Variants in MAPK6 observed in about 807,000 individuals in gnomAD.
MAPK6 encodes the protein ERK-3.
A neutral mutation model predicts 59.3 loss-of-function variants in MAPK6; 19 were observed. That is an observed-to-expected ratio of 0.32 (90% CI 0.22 to 0.47). The LOEUF is 0.47. Among genes scored for constraint, MAPK6 ranks in the 20% least tolerant of loss-of-function variants. The pLI is 1.00. For synonymous variants in MAPK6, 316 were observed against 290.3 expected, an observed-to-expected ratio of 1.09 and a Z score of -0.90; for missense variants, 724 against 847.9, an observed-to-expected ratio of 0.85 and a Z score of 1.81.
At chr15:52,048,086 C>T (rs890793147) in intron 2 of MAPK6, among the ~76,000 whole-genome samples, 8 of 152,136 alleles carry the variant, frequency 5.3e-5, no homozygotes, top group Admixed American at 6.6e-5. Context: ...TGTTAGCTTT[C>T]CACAGTACAT....
intron 2 of MAPK6, among the ~76,000 whole-genome samples, chr15:51,998,037 G>A (rs2057230662): frequency 1.3e-5 from 2 of 151,534 alleles, no homozygotes; most frequent in Admixed American, 6.6e-5. Flanking sequence ...TCTACCTCCC[G>A]TGTTCAAGCA....
intron 2 of MAPK6, among the ~76,000 whole-genome samples, chr15:51,995,186 G>A (rs1476316523): frequency 6.6e-6 from 1 of 152,198 alleles, no homozygotes; most frequent in Non-Finnish European, 1.5e-5. Flanking sequence ...TAAACTGTAT[G>A]TAAGGAAGGC....
chr15:52,063,214 G>A (rs1052168833), intron 5 of MAPK6, among the ~76,000 whole-genome samples: 2 of 152,144 alleles, frequency 1.3e-5, no homozygotes, highest in Admixed American at 6.5e-5. Flanking sequence ...ATAGGCACCC[G>A]CCACCATGTT....
At chr15:52,043,836 G>A (rs566837296) in intron 1 of MAPK6, among the ~76,000 whole-genome samples, 5 of 122,996 alleles carry the variant, frequency 4.1e-5, no homozygotes, top group East Asian at 2.7e-4. Context: ...TCGGCTCACT[G>A]CAACCTCTAC....
rs80082236 is a variant in MAPK6 at position 52,050,988 on chromosome 15, T to C, written c.700+851T>C. Among the ~76,000 whole-genome samples the C allele has an allele frequency of 8.2e-3, 1,248 of 152,338 alleles. 4 individuals carry two copies. The highest frequency in any genetic ancestry group is 0.014 in the Non-Finnish European group (920 of 68,030). Reference sequence around the variant, plus strand: ...AATAGTAGGGGTACTGAAGATTTTTTAGTTGGGGAAGTGGTGTGATAGTGA... The same window carrying C: ...AATAGTAGGGGTACTGAAGATTTTTCAGTTGGGGAAGTGGTGTGATAGTGA... On this transcript the variant is annotated intron_variant, in intron 3 of 5. Coordinates refer to ENST00000261845, the MANE Select transcript of MAPK6 (RefSeq NM_002748.4).
chr15:52,009,860 C>G (rs529411407), intron 3 of MAPK6, among the ~76,000 whole-genome samples: 1 of 152,118 alleles, frequency 6.6e-6, no homozygotes, highest in South Asian at 2.1e-4. Context: ...GCAACCACTG[C>G]CTCCTGGGTT....
At chr15:52,055,014 A>G (rs2031920158) in intron 3 of MAPK6, among the ~76,000 whole-genome samples, 1 of 152,212 alleles carries the variant, frequency 6.6e-6, no homozygotes, top group South Asian at 2.1e-4. Context: ...TCCTGACCTC[A>G]GGTGATCTGT....
chr15:52,019,704 C>T (rs543482454), intron 1 of MAPK6, among the ~76,000 whole-genome samples: 2 of 150,070 alleles, frequency 1.3e-5, no homozygotes, highest in African/African-American at 4.8e-5. Context: ...GGTCGCCCTG[C>T]CAGGCCGCGC....
Position 52,065,380 on chromosome 15 carries a change from T to A in MAPK6, c.*380T>A, listed in dbSNP as rs768193869. Reference sequence around the variant, plus strand: ...ATAGCTATTTTTTTCCTAAGACATTTTTCATTCATGAATATTTTCAAGTTT... The same window carrying A: ...ATAGCTATTTTTTTCCTAAGACATTATTCATTCATGAATATTTTCAAGTTT... On this transcript the variant is annotated 3_prime_UTR_variant, in exon 6 of 6. Transcript: ENST00000261845. 2.2e-4 allele frequency: 35 copies of A among 158,872 alleles called. No individual in the cohort carries two copies. The highest frequency in any genetic ancestry group is 4.3e-4 in the Non-Finnish European group (31 of 72,400). 9.8% of individuals were successfully genotyped at this position (158,872 alleles called of 1,614,324 possible). A position where few individuals can be genotyped will look rare whatever the true frequency, so the allele number is the denominator to read the frequency against.
chr15:51,985,137 T>C lies in MAPK6; in HGVS notation c.-770+1822T>C, dbSNP rs537313680. On this transcript the variant is annotated intron_variant, in intron 2 of 7. Transcript: ENST00000691380. ...TGGGAGGATCACTTGAGCCCAGGAG[T>C]TGTAGACCACGCTGGGGAACATAGT... is the stretch of plus-strand genomic sequence containing the variant. 3.5e-3 allele frequency among the ~76,000 whole-genome samples: 536 copies of C among 151,820 alleles called. 4 individuals are homozygous for C. Among genetic ancestry groups the C allele is most frequent in the Middle Eastern group, 0.02 (6 of 294 alleles).
At chr15:52,057,477 C>G (rs964230511) in intron 3 of MAPK6, among the ~76,000 whole-genome samples, 3 of 152,120 alleles carry the variant, frequency 2.0e-5, no homozygotes, top group African/African-American at 7.2e-5. Flanking sequence ...TCCTAGAACT[C>G]CTTTCTTTCT....
At chr15:51,977,731 C>A (rs1427391894) in intron 1 of MAPK6, among the ~76,000 whole-genome samples, 2 of 151,590 alleles carry the variant, frequency 1.3e-5, no homozygotes, top group African/African-American at 4.8e-5. Flanking sequence ...GAGACAGGGT[C>A]TCACTATGTT....
In MAPK6 at chr15:51,973,090, G is replaced by A. The variant is rs1428517727; in HGVS notation, c.-880+1184G>A. On this transcript the variant is annotated intron_variant, in intron 1 of 7. Coordinates refer to the MAPK6 transcript ENST00000691380. ...TTATGAGAGTTTTGGTCTTGGACAA[G>A]CAACAATGAATATTTAGTTTGGAGA... 2.6e-5 allele frequency among the ~76,000 whole-genome samples: 4 copies of A among 151,746 alleles called. No homozygotes were observed. In the East Asian group the frequency reaches 7.7e-4, roughly 29 times the overall value.
intron 2 of MAPK6, among the ~76,000 whole-genome samples, chr15:51,989,994 C>T (rs1046737637): frequency 6.6e-6 from 1 of 152,190 alleles, no homozygotes; most frequent in Non-Finnish European, 1.5e-5. Flanking sequence ...GCAGTAGAAC[C>T]AAGCATGAGG....
intron 2 of MAPK6, among the ~76,000 whole-genome samples, chr15:51,993,054 G>T (rs1338057474): frequency 6.6e-6 from 1 of 152,082 alleles, no homozygotes; most frequent in Non-Finnish European, 1.5e-5. Flanking sequence ...TCTATGGTTG[G>T]TGGGGGGGTA....
intron 1 of MAPK6, among the ~76,000 whole-genome samples, chr15:51,972,132 C>T (rs1378010806): frequency 1.3e-5 from 2 of 149,460 alleles, no homozygotes; most frequent in African/African-American, 5.0e-5. Context: ...TCATCCCAAA[C>T]CCCTTTACCC....
chr15:52,008,480 G>A (rs142575621), intron 3 of MAPK6, among the ~76,000 whole-genome samples: 2 of 152,194 alleles, frequency 1.3e-5, no homozygotes, highest in African/African-American at 4.8e-5. Flanking sequence ...GATGCACCGC[G>A]GGCTCACCAG....
At chr15:52,016,070 G>GCACGCACA (rs1555396608), upstream of MAPK6, among the ~76,000 whole-genome samples, 14 of 55,392 alleles carry the variant, frequency 2.5e-4, no homozygotes, top group Non-Finnish European at 3.7e-4. Context: ...GCGCGCGCGC[G>GCACGCACA]CACACACACA....
chr15:51,992,438 A>G (rs1179795189), intron 2 of MAPK6, among the ~76,000 whole-genome samples: 1 of 151,782 alleles, frequency 6.6e-6, no homozygotes, highest in Non-Finnish European at 1.5e-5. Context: ...GGTAGCTGGA[A>G]CTACAGGTGC....
Sources: allele counts gnomAD v4.1 joint callset (sites outside exome capture counted in the v4.1 genomes callset), GRCh38; gene constraint gnomAD v4.1.1; transcripts MANE v1.5; gene names NCBI Gene and HGNC (gene_info 2026-07-23, HGNC 2026-07-21).